Variants in TDRD1 observed in about 807,000 individuals in gnomAD.
The protein encoded by TDRD1 is tudor domain containing 1, also known as tudor domain-containing protein 1.
In TDRD1, 37 loss-of-function variants were observed where a neutral mutation model predicts 140.6. The observed-to-expected ratio is 0.26, with a 90% confidence interval of 0.20 to 0.35. The LOEUF is 0.35. Ranked by LOEUF, TDRD1 falls within the 10% of genes least tolerant of loss-of-function variation. The pLI, the probability that TDRD1 is intolerant of heterozygous loss-of-function variation, is 1.00. For missense variants in TDRD1, 1,243 were observed against 1,393.0 expected, an observed-to-expected ratio of 0.89 and a Z score of 1.71; for synonymous variants, 506 against 475.7, an observed-to-expected ratio of 1.06 and a Z score of -0.83.
At chr10:114,201,336 G>T (rs2132951564) in intron 4 of TDRD1, 74 bp from the exon 5 acceptor site, 1 of 1,195,892 alleles carries the variant, frequency 8.4e-7, no homozygotes, top group Non-Finnish European at 1.2e-6. Context: ...CTAATAGAAT[G>T]ATATTTGCTA....
intron 21 of TDRD1, among the ~76,000 whole-genome samples, 171 bp downstream of exon 21, chr10:114,222,874 G>A (rs1041081863): frequency 1.3e-5 from 2 of 152,092 alleles, no homozygotes; most frequent in East Asian, 1.9e-4. Flanking sequence ...TCAGCTTTTC[G>A]ATTCTATATA....
In TDRD1 at chr10:114,202,253, A is replaced by G. The variant is rs181972593; in HGVS notation, c.651A>G (p.Glu217=). The change falls in exon 6 of 26, where the codon GAA becomes GAG. Residue 217 remains glutamate (E), a synonymous_variant. Coordinates refer to ENST00000251864, the Ensembl canonical transcript of TDRD1. ...TTTATTGCAGTTTCCACAAACTTGA[A>G]AATAAATCATCTATTGAAACAAAGG... 5.6e-6 allele frequency: 9 copies of G among 1,603,682 alleles called. No individual in the cohort carries two copies. In the East Asian group the frequency reaches 1.1e-4, roughly 20 times the overall value.
chr10:114,186,841 T>C (rs1025737863), intron 1 of TDRD1, among the ~76,000 whole-genome samples: 4 of 152,204 alleles, frequency 2.6e-5, no homozygotes, highest in Non-Finnish European at 5.9e-5. Flanking sequence ...AGGTTAGGCC[T>C]AATTTAAAAT....
At chr10:114,227,332 T>A in intron 23 of TDRD1, 33 bp downstream of exon 23, 1 of 1,429,564 alleles carries the variant, frequency 7.0e-7, no homozygotes, top group Non-Finnish European at 9.9e-7. Flanking sequence ...ATAACAGATG[T>A]TAAGTGTGAG....
At chr10:114,225,213 C>T (rs2036365305) in intron 21 of TDRD1, among the ~76,000 whole-genome samples, 1 of 152,228 alleles carries the variant, frequency 6.6e-6, no homozygotes, top group Admixed American at 6.5e-5. Flanking sequence ...AACATGGGAA[C>T]ACAAAGCTCA....
intron 11 of TDRD1, among the ~76,000 whole-genome samples, chr10:114,208,324 G>A (rs2035262280): frequency 6.6e-6 from 1 of 152,188 alleles, no homozygotes; most frequent in Admixed American, 6.5e-5. Flanking sequence ...AGTAATGTTG[G>A]TGGGTATGGA....
At chr10:114,201,368 C>A in intron 4 of TDRD1, 42 bp from the exon 5 acceptor site, 1 of 1,511,772 alleles carries the variant, frequency 6.6e-7, no homozygotes, top group South Asian at 1.1e-5. Flanking sequence ...TTGAGAATGT[C>A]TTGATCTTCA....
intron 21 of TDRD1, among the ~76,000 whole-genome samples, chr10:114,225,595 C>CTG: frequency 6.6e-6 from 1 of 151,850 alleles, no homozygotes; most frequent in African/African-American, 2.4e-5. Context: ...TACAGTGGCT[C>CTG]ACGCCTGTAA....
intron 13 of TDRD1, among the ~76,000 whole-genome samples, 170 bp downstream of exon 13, chr10:114,211,137 T>A (rs144635889): frequency 3.0e-3 from 457 of 152,290 alleles, no homozygotes; most frequent in African/African-American, 0.01. Context: ...TTAAACTGGT[T>A]GAAAGGAGTG....
upstream of TDRD1, among the ~76,000 whole-genome samples, chr10:114,176,784 A>T (rs2035694634): frequency 6.6e-6 from 1 of 152,170 alleles, no homozygotes; most frequent in African/African-American, 2.4e-5. The surrounding 1 kb of genome is among the most constrained non-coding windows in gnomAD (Gnocchi z 4.2). Flanking sequence ...AAAGAAAGGA[A>T]AGGAGAGGAA....
chr10:114,210,466 C>T, intron 11 of TDRD1, 115 bp from the exon 12 acceptor site: 1 of 1,055,876 alleles, frequency 9.5e-7, no homozygotes, highest in Non-Finnish European at 1.3e-6. Flanking sequence ...CTGCCATCTT[C>T]CAGGAACCTT....
intron 16 of TDRD1, among the ~76,000 whole-genome samples, chr10:114,216,585 A>G (rs2035828985): frequency 6.6e-6 from 1 of 152,230 alleles, no homozygotes; most frequent in Non-Finnish European, 1.5e-5. Context: ...GTGGTTTCCA[A>G]GCTTTTATTA....
chr10:114,211,919 G>C, exon 14 of TDRD1: 2 of 1,610,580 alleles, frequency 1.2e-6, no homozygotes, highest in Middle Eastern at 1.7e-4. Flanking sequence ...TGAAGAATCT[G>C]TACTGGTCGG....
At chr10:114,182,103 C>T (rs977651353) in intron 1 of TDRD1, among the ~76,000 whole-genome samples, 1 of 152,214 alleles carries the variant, frequency 6.6e-6, no homozygotes, top group African/African-American at 2.4e-5. Flanking sequence ...AACTCAGGGA[C>T]ATCCTGACTT....
At chr10:114,222,639 T>C in exon 21 of TDRD1, 1 of 1,613,674 alleles carries the variant, frequency 6.2e-7, no homozygotes. Context: ...AATACTGCAA[T>C]GCTCCGAAAA....
At chr10:114,192,137 T>G (rs553075665) in intron 3 of TDRD1, among the ~76,000 whole-genome samples, 2 of 152,030 alleles carry the variant, frequency 1.3e-5, no homozygotes, top group East Asian at 3.9e-4. Context: ...TTGCCAATAT[T>G]TTTTCCTAAT....
intron 11 of TDRD1, among the ~76,000 whole-genome samples, chr10:114,208,219 T>A (rs2035255586): frequency 1.3e-5 from 2 of 152,100 alleles, no homozygotes; most frequent in Non-Finnish European, 2.9e-5. Flanking sequence ...TCATTAAAGG[T>A]CGCAGGAGCT....
chr10:114,195,930 A>G (rs527279370), intron 3 of TDRD1, among the ~76,000 whole-genome samples: 7 of 152,328 alleles, frequency 4.6e-5, no homozygotes, highest in African/African-American at 1.4e-4. Context: ...GTTGTTCTAC[A>G]TACGGTATCA....
intron 25 of TDRD1, among the ~76,000 whole-genome samples, chr10:114,231,065 T>G (rs2036726885): frequency 6.6e-6 from 1 of 152,116 alleles, no homozygotes; most frequent in Admixed American, 6.6e-5. Context: ...AGACCCTGTC[T>G]CAAAAAAATA....
Sources: allele counts gnomAD v4.1 joint callset (sites outside exome capture counted in the v4.1 genomes callset), GRCh38; gene constraint gnomAD v4.1.1; non-coding constraint Gnocchi (gnomAD v3.1); transcripts MANE v1.5; gene names NCBI Gene and HGNC (gene_info 2026-07-23, HGNC 2026-07-21).